Variants in L3MBTL4 observed in about 807,000 individuals in gnomAD.
L3MBTL4 encodes lethal(3)malignant brain tumor-like protein 4.
Under a neutral mutation model 84.5 loss-of-function variants are expected in L3MBTL4, and 70 were observed. The ratio of observed to expected loss-of-function variants is 0.83; its 90% CI spans 0.68 to 1.01. The LOEUF is 1.01. Ranked by LOEUF, L3MBTL4 falls within the 50% of genes least tolerant of loss-of-function variation. The pLI is 0.00. For synonymous variants in L3MBTL4, 274 were observed against 259.8 expected, an observed-to-expected ratio of 1.05 and a Z score of -0.52; for missense variants, 715 against 754.8, an observed-to-expected ratio of 0.95 and a Z score of 0.62.
In L3MBTL4 at chr18:5,972,060, C is replaced by T. The variant is rs560924445; in HGVS notation, c.1445-2498G>A. Among the ~76,000 whole-genome samples, 176 of 152,168 alleles carry T rather than the reference C, an allele frequency of 1.2e-3. 1 individual carries two copies. Among genetic ancestry groups the T allele is most frequent in the Non-Finnish European group, 2.2e-3 (152 of 67,990 alleles). On this transcript the variant is annotated intron_variant, in intron 16 of 18. Coordinates refer to ENST00000317931, the MANE Select transcript of L3MBTL4 (RefSeq NM_001330559.2). ...AGCTGTGGGGAATAGGCTGTATATG[C>T]CAAAGGGAGTCCTGCATGGGCACTG... is the stretch of plus-strand genomic sequence containing the variant.
At chr18:6,212,014 AG>A (rs778679101) in intron 12 of L3MBTL4, among the ~76,000 whole-genome samples, 14 of 152,250 alleles carry the variant, frequency 9.2e-5, no homozygotes, top group Non-Finnish European at 1.5e-4. Flanking sequence ...GATATGCAAA[AG>A]TCATTTCCAT....
intron 17 of L3MBTL4, among the ~76,000 whole-genome samples, chr18:5,963,931 A>C (rs2052196509): frequency 6.6e-6 from 1 of 152,228 alleles, no homozygotes; most frequent in Non-Finnish European, 1.5e-5. Context: ...CTTGCCCTGC[A>C]CCCACAGAAG....
chr18:6,003,793 GAGGAAATCACAA>G (rs2054335555), intron 16 of L3MBTL4, among the ~76,000 whole-genome samples: 1 of 152,080 alleles, frequency 6.6e-6, no homozygotes, highest in Non-Finnish European at 1.5e-5. Context: ...ATGGGTCAAA[GAGGAAATCACAA>G]AGGAAATCAG....
rs1201614162 is a variant in L3MBTL4 at position 6,307,430 on chromosome 18, C to T, written c.72+4124G>A. ...CCAGCCTGGTGACAGAGCAAGACTC[C>T]GTCTCAAAAAAAAAAAAAAAAAAGT... On this transcript the variant is annotated intron_variant, in intron 3 of 18. Coordinates refer to ENST00000317931, the MANE Select transcript of L3MBTL4 (RefSeq NM_001330559.2). Among the ~76,000 whole-genome samples, 6 of 107,982 alleles carry T rather than the reference C, an allele frequency of 5.6e-5. No homozygotes were observed. The South Asian group carries it at 9.2e-4, about 17-fold the overall frequency. The allele number at this position is 107,982 out of a possible 152,430, so 70.8% of individuals were successfully genotyped here.
At chr18:6,309,774 G>A (rs2050745207) in intron 3 of L3MBTL4, among the ~76,000 whole-genome samples, 1 of 152,174 alleles carries the variant, frequency 6.6e-6, no homozygotes, top group Non-Finnish European at 1.5e-5. Flanking sequence ...TACTAAGATA[G>A]GGGGGTAACA....
At chr18:5,981,307 T>A (rs962160046) in intron 16 of L3MBTL4, among the ~76,000 whole-genome samples, 1 of 152,212 alleles carries the variant, frequency 6.6e-6, no homozygotes, top group Non-Finnish European at 1.5e-5. Flanking sequence ...ACTTCAGTCT[T>A]TAAAAATTAT....
chr18:5,981,137 G>A lies in L3MBTL4; in HGVS notation c.1445-11575C>T, dbSNP rs60359409. On this transcript the variant is annotated intron_variant, in intron 16 of 18. Coordinates refer to ENST00000317931, the MANE Select transcript of L3MBTL4 (RefSeq NM_001330559.2). ...CACCACTGACCTCTTGGTGTTCTCT[G>A]GGCTCCTTGGCCTGGTCTCACCTTA... Among the ~76,000 whole-genome samples the A allele has an allele frequency of 0.014, 2,062 of 152,274 alleles. 90 individuals carry two copies. The East Asian group carries it at 0.14, about 10-fold the overall frequency.
intron 1 of L3MBTL4, among the ~76,000 whole-genome samples, chr18:6,385,112 C>T (rs1210805953): frequency 6.6e-6 from 1 of 152,082 alleles, no homozygotes; most frequent in Non-Finnish European, 1.5e-5. Context: ...AGATAAAAAG[C>T]TTAAAGGGGC....
chr18:6,289,135 T>A (rs920727636), intron 4 of L3MBTL4, among the ~76,000 whole-genome samples: 1 of 152,074 alleles, frequency 6.6e-6, no homozygotes, highest in African/African-American at 2.4e-5. Context: ...GGACTGAGAC[T>A]GAGGATTGGG....
At chr18:6,289,301 G>A (rs1001659377) in intron 4 of L3MBTL4, among the ~76,000 whole-genome samples, 4 of 152,168 alleles carry the variant, frequency 2.6e-5, no homozygotes, top group African/African-American at 9.7e-5. Flanking sequence ...GGGGTGCACT[G>A]ATACAGGACC....
intron 12 of L3MBTL4, among the ~76,000 whole-genome samples, chr18:6,193,809 G>A (rs779343933): frequency 3.9e-5 from 6 of 152,204 alleles, no homozygotes; most frequent in Middle Eastern, 3.4e-3. Context: ...CAGGCATATG[G>A]GCCACTCTCT....
chr18:6,378,068 C>T (rs1359192512), intron 1 of L3MBTL4, among the ~76,000 whole-genome samples: 1 of 152,180 alleles, frequency 6.6e-6, no homozygotes, highest in Non-Finnish European at 1.5e-5. Context: ...TCTCTGATGA[C>T]CAGTGACGAT....
At chr18:6,074,427 C>T (rs2057791697) in intron 16 of L3MBTL4, among the ~76,000 whole-genome samples, 1 of 152,166 alleles carries the variant, frequency 6.6e-6, no homozygotes, top group Non-Finnish European at 1.5e-5. Flanking sequence ...ACTTGGCTGT[C>T]ATGTTGTCCG....
At chr18:6,046,296 A>G (rs1325006183) in intron 16 of L3MBTL4, among the ~76,000 whole-genome samples, 2 of 152,220 alleles carry the variant, frequency 1.3e-5, no homozygotes, top group African/African-American at 4.8e-5. Context: ...ACACCATCCC[A>G]CAATAGTACT....
At chr18:6,402,372 T>C (rs1488060808) in intron 1 of L3MBTL4, among the ~76,000 whole-genome samples, 4 of 152,220 alleles carry the variant, frequency 2.6e-5, no homozygotes, top group Non-Finnish European at 2.9e-5. Context: ...TCTGGCCTTC[T>C]AGAAATAATA....
chr18:6,020,529 G>C (rs2055199454), intron 16 of L3MBTL4, among the ~76,000 whole-genome samples: 1 of 152,108 alleles, frequency 6.6e-6, no homozygotes, highest in Non-Finnish European at 1.5e-5. Context: ...ACTGCAACAA[G>C]GAGAATAAGA....
chr18:6,139,044 T>A (rs994490416), intron 13 of L3MBTL4, among the ~76,000 whole-genome samples: 1 of 152,070 alleles, frequency 6.6e-6, no homozygotes, highest in Non-Finnish European at 1.5e-5. Context: ...ATGGCAAACA[T>A]GGCCCCACAG....
intron 1 of L3MBTL4, among the ~76,000 whole-genome samples, chr18:6,383,704 A>G (rs2006960): frequency 0.62 from 93,584 of 152,018 alleles, 29,110 homozygotes; most frequent in African/African-American, 0.72. Context: ...GAAATCACCC[A>G]ACCTTCTGCG....
At chr18:6,146,862 G>A (rs935108138) in intron 13 of L3MBTL4, among the ~76,000 whole-genome samples, 2 of 152,122 alleles carry the variant, frequency 1.3e-5, no homozygotes, top group African/African-American at 4.8e-5. Flanking sequence ...ATGAGCAGTG[G>A]GGCGATCAGG....
Sources: gnomAD v4.1 joint callset for allele counts (sites outside exome capture counted in the v4.1 genomes callset) on GRCh38, gnomAD v4.1.1 for gene constraint, MANE v1.5 for transcripts, NCBI Gene and HGNC (gene_info 2026-07-23, HGNC 2026-07-21) for gene names.